The following CNKSR2 variants were observed in gnomAD, a reference collection of about 807,000 sequenced individuals.
CNKSR2 encodes CNK homolog protein 2.
Under a neutral mutation model 84.4 loss-of-function variants are expected in CNKSR2, and 14 were observed. The observed-to-expected ratio is 0.17, with a 90% CI of 0.11 to 0.26. The LOEUF is 0.26. CNKSR2 is among the 10% of genes least tolerant of loss of function. The probability of loss-of-function intolerance (pLI) is 1.00; values close to 1 mark genes in which losing one functional copy is unlikely to be tolerated. For missense variants in CNKSR2, 485 were observed against 771.2 expected (o/e 0.63, Z 4.40); for synonymous variants, 275 against 277.9 (o/e 0.99, Z 0.10).
At chrX:21,575,612 C>T (rs2092314305) in intron 13 of CNKSR2, among the ~76,000 whole-genome samples, 1 of 111,463 alleles carries the variant, frequency 9.0e-6, no homozygotes, top group Non-Finnish European at 1.9e-5. Context: ...ATAAGGCAGA[C>T]AGGCTAGAGA....
At chrX:21,629,199 A>G (rs1213313255) in intron 20 of CNKSR2, among the ~76,000 whole-genome samples, 2 of 111,945 alleles carry the variant, frequency 1.8e-5, no homozygotes, top group African/African-American at 6.5e-5. Flanking sequence ...CTCAGCCTGG[A>G]TTTCATTGTC....
At chrX:21,586,139 A>T (rs1176852058) in intron 13 of CNKSR2, among the ~76,000 whole-genome samples, 1 of 111,402 alleles carries the variant, frequency 9.0e-6, no homozygotes, top group Non-Finnish European at 1.9e-5. Context: ...CCAGAAAAAG[A>T]TAGAGATGCC....
At chrX:21,469,874 T>G (rs931110952) in intron 4 of CNKSR2, among the ~76,000 whole-genome samples, 3 of 111,729 alleles carry the variant, frequency 2.7e-5, no homozygotes, top group African/African-American at 9.8e-5. Context: ...ATCACACCAC[T>G]GCACTCCAGC....
intron 20 of CNKSR2, chrX:21,641,425 T>G (rs1341309147): frequency 2.1e-6 from 2 of 952,441 alleles, no homozygotes; most frequent in African/African-American, 3.9e-5. Context: ...CTACTTTCTC[T>G]TCATGGGTAT....
chrX:21,385,232 G>C (rs1438362434), intron 1 of CNKSR2, among the ~76,000 whole-genome samples: 1 of 111,468 alleles, frequency 9.0e-6, no homozygotes, highest in Non-Finnish European at 1.9e-5. Flanking sequence ...CTTAGGGAGA[G>C]TTTAAGTAAT....
At chrX:21,432,083 A>G (rs2090641010) in intron 2 of CNKSR2, among the ~76,000 whole-genome samples, 2 of 111,920 alleles carry the variant, frequency 1.8e-5, no homozygotes, top group South Asian at 7.4e-4. Context: ...AACTTCTTAT[A>G]CATCATTATG....
intron 8 of CNKSR2, among the ~76,000 whole-genome samples, chrX:21,512,437 C>A (rs751254926): frequency 6.3e-5 from 7 of 111,795 alleles, no homozygotes; most frequent in Non-Finnish European, 1.3e-4. Context: ...AAGCTGTGAT[C>A]AACTATACCG....
chrX:21,417,215 G>A (rs766911863), intron 1 of CNKSR2, among the ~76,000 whole-genome samples: 2 of 111,672 alleles, frequency 1.8e-5, no homozygotes, highest in South Asian at 7.4e-4. Flanking sequence ...TCATGTATTC[G>A]TGTAGTTTCC....
Position 21,575,554 on chromosome X carries a change from G to T in CNKSR2, c.1608+12102G>T, listed in dbSNP as rs190342741. On this transcript the variant is annotated intron_variant, in intron 13 of 21. Transcript: ENST00000379510. The stretch of plus-strand genomic sequence containing the variant: ...TACTCACAACCAAAAATTACCTGGA[G>T]AAAATACATTAACTCATCTACCAGA... Among the ~76,000 whole-genome samples the T allele has an allele frequency of 1.4e-4, 16 of 111,231 alleles. No homozygotes were observed. In the East Asian group the frequency reaches 4.5e-3, roughly 31 times the overall value.
At chrX:21,627,147 T>G (rs2092627314) in intron 20 of CNKSR2, among the ~76,000 whole-genome samples, 1 of 111,333 alleles carries the variant, frequency 9.0e-6, no homozygotes, top group East Asian at 2.8e-4. Flanking sequence ...GAAAAAACTT[T>G]GGAACATTTT....
At chrX:21,396,039 T>A (rs1218893901) in intron 1 of CNKSR2, among the ~76,000 whole-genome samples, 1 of 111,669 alleles carries the variant, frequency 9.0e-6, no homozygotes, top group African/African-American at 3.2e-5. Context: ...CTTTTTTCTT[T>A]CTTTTTTCCT....
chrX:21,497,977 G>T, intron 7 of CNKSR2, 131 bp downstream of exon 7: 1 of 393,796 alleles, frequency 2.5e-6, no homozygotes, highest in Non-Finnish European at 4.5e-6. Flanking sequence ...CAATTTAAAA[G>T]AGATACTGAG....
chrX:21,600,708 G>T (rs2092476649), intron 17 of CNKSR2, among the ~76,000 whole-genome samples: 1 of 112,327 alleles, frequency 8.9e-6, no homozygotes, highest in South Asian at 3.7e-4. Context: ...GATCTAAACA[G>T]ATGTTAAAAT....
At chrX:21,445,148 G>C (rs113101703) in intron 4 of CNKSR2, among the ~76,000 whole-genome samples, 1 of 111,197 alleles carries the variant, frequency 9.0e-6, no homozygotes, top group Non-Finnish European at 1.9e-5. Flanking sequence ...CAGACATTCT[G>C]GGTGACCTGA....
intron 4 of CNKSR2, among the ~76,000 whole-genome samples, chrX:21,452,753 CTTATT>C (rs3050694): frequency 0.05 from 4,309 of 86,766 alleles, 156 homozygotes; most frequent in East Asian, 0.21. Flanking sequence ...ACAAGCATGA[CTTATT>C]TTATTTTATT....
intron 13 of CNKSR2, among the ~76,000 whole-genome samples, chrX:21,584,955 G>A (rs753263907): frequency 3.6e-5 from 4 of 110,625 alleles, no homozygotes; most frequent in Non-Finnish European, 7.6e-5. Context: ...CTAAAAATTA[G>A]AGGGGGCTGG....
intron 13 of CNKSR2, among the ~76,000 whole-genome samples, chrX:21,569,474 CTTG>C (rs1446080121): frequency 8.9e-6 from 1 of 111,919 alleles, no homozygotes; most frequent in African/African-American, 3.2e-5. Flanking sequence ...TTCTAGTTCT[CTTG>C]TTATTTCCAC....
chrX:21,518,752 A>T (rs1435116266), intron 9 of CNKSR2, among the ~76,000 whole-genome samples: 2 of 111,803 alleles, frequency 1.8e-5, no homozygotes, highest in South Asian at 3.7e-4. Context: ...GCCTCATCAG[A>T]TCACTAATTA....
chrX:21,468,991 A>C (rs2091163643), intron 4 of CNKSR2, among the ~76,000 whole-genome samples: 1 of 112,022 alleles, frequency 8.9e-6, no homozygotes, highest in Non-Finnish European at 1.9e-5. Context: ...TTATTTTAAC[A>C]GTTCTTTTTG....
Sources: gnomAD v4.1 joint callset for allele counts (sites outside exome capture counted in the v4.1 genomes callset) on GRCh38, gnomAD v4.1.1 for gene constraint, MANE v1.5 for transcripts, NCBI Gene and HGNC (gene_info 2026-07-23, HGNC 2026-07-21) for gene names.